Variants in RNLS observed in about 807,000 individuals in gnomAD.
RNLS encodes the protein renalase, FAD dependent amine oxidase, also known as renalase.
RNLS carries 39 observed loss-of-function variants against 39.8 expected under a neutral mutation model. That is an observed-to-expected ratio of 0.98 (90% CI 0.76 to 1.28). RNLS has a LOEUF of 1.28. Among genes scored for constraint, RNLS ranks in the 50% most tolerant of loss-of-function variants. The pLI is 0.00. For missense variants in RNLS, 410 were observed against 413.3 expected (o/e 0.99, Z 0.07); for synonymous variants, 147 against 150.7 (o/e 0.98, Z 0.18).
chr10:88,415,774 G>A (rs538254962), intron 4 of RNLS, among the ~76,000 whole-genome samples: 18 of 152,328 alleles, frequency 1.2e-4, no homozygotes, highest in Admixed American at 4.6e-4. Flanking sequence ...TGTAAAGCCT[G>A]TCTGTTCTTG....
intron 4 of RNLS, among the ~76,000 whole-genome samples, chr10:88,420,598 A>G (rs1854346526): frequency 6.6e-6 from 1 of 152,212 alleles, no homozygotes; most frequent in African/African-American, 2.4e-5. Flanking sequence ...TTCTCTGCGT[A>G]TCTCTTAGGA....
chr10:88,275,212 C>A (rs1589443443), intron 6 of RNLS, among the ~76,000 whole-genome samples: 1 of 142,424 alleles, frequency 7.0e-6, no homozygotes, highest in South Asian at 2.3e-4. Flanking sequence ...CCAAGCAGGA[C>A]CCCCCATTTT....
At chr10:88,579,462 A>G (rs1850402536) in intron 3 of RNLS, among the ~76,000 whole-genome samples, 1 of 152,172 alleles carries the variant, frequency 6.6e-6, no homozygotes, top group Admixed American at 6.5e-5. Flanking sequence ...TCTATTTTCT[A>G]GGGCTAGCCT....
chr10:88,369,503 C>A (rs1203324579), intron 4 of RNLS, among the ~76,000 whole-genome samples: 2 of 152,162 alleles, frequency 1.3e-5, no homozygotes, highest in Non-Finnish European at 2.9e-5. Context: ...AAGTTCCTTT[C>A]AGGTGGCTCT....
chr10:88,379,793 C>A (rs1054452628), intron 4 of RNLS, among the ~76,000 whole-genome samples: 1 of 152,128 alleles, frequency 6.6e-6, no homozygotes, highest in African/African-American at 2.4e-5. Flanking sequence ...AATCTTGGAA[C>A]CCAGCCATCA....
At chr10:88,582,109 T>C (rs1850614874) in intron 2 of RNLS, 93 bp downstream of exon 2, 18 of 975,058 alleles carry the variant, frequency 1.8e-5, no homozygotes, top group Non-Finnish European at 2.8e-5. Context: ...GAGCCCTTAC[T>C]ATGTTCCATT....
At chr10:88,371,071 ATTCTGT>A (rs2133429501) in intron 4 of RNLS, among the ~76,000 whole-genome samples, 1 of 152,228 alleles carries the variant, frequency 6.6e-6, no homozygotes, top group East Asian at 1.9e-4. Context: ...TTGGGTTTGA[ATTCTGT>A]TTCTGACATT....
At chr10:88,306,713 G>A (rs1324681249) in intron 6 of RNLS, among the ~76,000 whole-genome samples, 2 of 152,038 alleles carry the variant, frequency 1.3e-5, no homozygotes, top group Non-Finnish European at 2.9e-5. Context: ...AAAAATCTCA[G>A]GACCAAACAG....
the RNLS span, among the ~76,000 whole-genome samples, chr10:88,187,177 T>A: frequency 8.9e-5 from 6 of 67,774 alleles, 1 homozygote; most frequent in Admixed American, 8.4e-4. Flanking sequence ...AATATATATA[T>A]AATATATATA....
At chr10:88,552,329 G>A (rs1342887543) in intron 4 of RNLS, among the ~76,000 whole-genome samples, 1 of 152,206 alleles carries the variant, frequency 6.6e-6, no homozygotes, top group Non-Finnish European at 1.5e-5. Context: ...CAACAGACAT[G>A]TCTTCCCACT....
At chr10:88,579,404 G>C (rs1306470361) in intron 3 of RNLS, among the ~76,000 whole-genome samples, 2 of 152,086 alleles carry the variant, frequency 1.3e-5, no homozygotes, top group East Asian at 1.9e-4. Flanking sequence ...GGCTGGTTTG[G>C]GGGGAAAAGG....
At chr10:88,203,420 G>A in the RNLS span, among the ~76,000 whole-genome samples, 1 of 97,084 alleles carries the variant, frequency 1.0e-5, no homozygotes, top group African/African-American at 4.2e-5. Context: ...ATACACGTAT[G>A]TGTATATATA....
rs548770664 is a variant in RNLS at position 88,309,370 on chromosome 10, T to G, written c.876+5096A>C. 41 of 1,263,864 alleles carry G rather than the reference T, an allele frequency of 3.2e-5. No homozygotes were observed. In the African/African-American group the frequency reaches 6.1e-4, roughly 19 times the overall value. 78.3% of individuals were successfully genotyped at this position (1,263,864 alleles called of 1,614,324 possible). The stretch of plus-strand genomic sequence containing the variant: ...CCACCTGACTTTTCAATGCTGAAAT[T>G]AGACACTATTACTCACCAGAAATTA... On this transcript the variant is annotated intron_variant, in intron 6 of 6. Transcript: ENST00000331772.
intron 4 of RNLS, among the ~76,000 whole-genome samples, chr10:88,466,853 A>G (rs1366716622): frequency 1.3e-5 from 2 of 152,176 alleles, no homozygotes; most frequent in South Asian, 2.1e-4. Flanking sequence ...AGCACAGTGG[A>G]TGCTTCATTC....
chr10:88,221,965 T>C, the RNLS span, among the ~76,000 whole-genome samples: 2 of 152,176 alleles, frequency 1.3e-5, no homozygotes, highest in South Asian at 4.1e-4. Flanking sequence ...GGTCTCAGCT[T>C]TTATGAGCTG....
chr10:88,408,712 C>T (rs923662590), intron 4 of RNLS, among the ~76,000 whole-genome samples: 5 of 151,858 alleles, frequency 3.3e-5, no homozygotes, highest in African/African-American at 1.2e-4. Context: ...TTATAAACTT[C>T]TTTGTTTCAA....
intron 3 of RNLS, among the ~76,000 whole-genome samples, chr10:88,578,227 T>C (rs182488457): frequency 6.6e-6 from 1 of 152,266 alleles, no homozygotes; most frequent in Non-Finnish European, 1.5e-5. Context: ...CAATATTCTG[T>C]AGTAAGTACC....
At chr10:88,203,342 ATGTGTATATATATACGTATGTG>A in the RNLS span, among the ~76,000 whole-genome samples, 2 of 10,612 alleles carry the variant, frequency 1.9e-4, 1 homozygote, top group Non-Finnish European at 3.9e-4. Flanking sequence ...ATATACACGT[ATGTGTATATATATACGTATGTG>A]TGTGTATATA....
the RNLS span, among the ~76,000 whole-genome samples, chr10:88,264,066 T>C: frequency 6.6e-6 from 1 of 152,214 alleles, no homozygotes; most frequent in South Asian, 2.1e-4. Flanking sequence ...TGAGAACATA[T>C]GACGTTTGGT....
Sources: allele counts gnomAD v4.1 joint callset (sites outside exome capture counted in the v4.1 genomes callset), GRCh38; gene constraint gnomAD v4.1.1; transcripts MANE v1.5; gene names NCBI Gene and HGNC (gene_info 2026-07-23, HGNC 2026-07-21).